Variants in PCDH9 observed in about 807,000 individuals in gnomAD.
PCDH9 encodes protocadherin-9.
In PCDH9, 24 loss-of-function variants were observed where a neutral mutation model predicts 70.6. The ratio of observed to expected loss-of-function variants is 0.34; its 90% CI spans 0.25 to 0.48. The LOEUF (loss-of-function observed/expected upper bound fraction) is 0.48. Among genes scored for constraint, PCDH9 ranks in the 20% least tolerant of loss-of-function variants. The pLI is 0.99. For synonymous variants in PCDH9, 562 were observed against 558.5 expected (o/e 1.01, Z -0.09); for missense variants, 1,281 against 1,503.6 (o/e 0.85, Z 2.45).
At chr13:66,355,176 GT>G (rs905587966) in intron 4 of PCDH9, among the ~76,000 whole-genome samples, 49 of 148,678 alleles carry the variant, frequency 3.3e-4, no homozygotes, top group Admixed American at 5.4e-4. Context: ...AGTAGATACT[GT>G]TTTTTTTTTA....
At chr13:66,494,686 A>G (rs1959085717) in intron 4 of PCDH9, among the ~76,000 whole-genome samples, 1 of 152,158 alleles carries the variant, frequency 6.6e-6, no homozygotes. Context: ...TCTTTATAAT[A>G]TAGATAAATT....
chr13:66,776,242 C>T (rs988321840), intron 3 of PCDH9, among the ~76,000 whole-genome samples: 3 of 150,898 alleles, frequency 2.0e-5, no homozygotes, highest in African/African-American at 4.9e-5. Flanking sequence ...CCTCTCTCAC[C>T]GCTCCTATTC....
chr13:67,074,442 A>G (rs774095772), intron 2 of PCDH9, among the ~76,000 whole-genome samples: 2 of 152,132 alleles, frequency 1.3e-5, no homozygotes, highest in Non-Finnish European at 2.9e-5. Context: ...TTGTTAAGCT[A>G]CCTGCTCTAC....
rs185856122 is a variant in PCDH9, at chr13:66,693,512, T to A, written c.3139-62101A>T. On this transcript the variant is annotated intron_variant, in intron 3 of 4. Transcript: ENST00000377865. ...TTAGTAAATGATCATAATTCATGAT[T>A]TTATGAAATACATTATTTTTAAAAA... Among the ~76,000 whole-genome samples the A allele has an allele frequency of 3.3e-3, 509 of 152,268 alleles. 6 individuals are homozygous for A. The highest frequency in any genetic ancestry group is 0.011 in the African/African-American group (466 of 41,578).
intron 4 of PCDH9, among the ~76,000 whole-genome samples, chr13:66,597,487 G>A (rs575926673): frequency 6.6e-6 from 1 of 151,776 alleles, no homozygotes; most frequent in African/African-American, 2.4e-5. Context: ...GGAAAGGATA[G>A]TCCCTTCAAC....
intron 3 of PCDH9, among the ~76,000 whole-genome samples, chr13:66,879,701 T>C (rs1314302303): frequency 6.6e-6 from 1 of 152,198 alleles, no homozygotes; most frequent in African/African-American, 2.4e-5. Context: ...AAAATGGCTC[T>C]ACTTATTTTG....
At chr13:66,380,233 G>T (rs938905311) in intron 4 of PCDH9, among the ~76,000 whole-genome samples, 1 of 152,128 alleles carries the variant, frequency 6.6e-6, no homozygotes, top group South Asian at 2.1e-4. Context: ...ATGATAATTA[G>T]CTTCCTAACA....
chr13:66,749,613 C>G (rs1377610778), intron 3 of PCDH9, among the ~76,000 whole-genome samples: 1 of 152,142 alleles, frequency 6.6e-6, no homozygotes, highest in Non-Finnish European at 1.5e-5. Context: ...CCCATTCCTA[C>G]CAGCTCGAGA....
chr13:66,881,368 A>T (rs1279070092), intron 3 of PCDH9, among the ~76,000 whole-genome samples: 1 of 152,178 alleles, frequency 6.6e-6, no homozygotes, highest in African/African-American at 2.4e-5. Flanking sequence ...TCTTACATGG[A>T]TGGCGGCAGT....
intron 2 of PCDH9, among the ~76,000 whole-genome samples, chr13:67,124,032 A>G (rs1363431970): frequency 1.3e-5 from 2 of 152,156 alleles, no homozygotes; most frequent in Non-Finnish European, 2.9e-5. Flanking sequence ...ACTGAATATG[A>G]ATCATTCGTT....
intron 2 of PCDH9, among the ~76,000 whole-genome samples, chr13:66,993,882 T>C (rs1266576155): frequency 6.6e-6 from 1 of 152,294 alleles, no homozygotes. Context: ...CGATTGATTG[T>C]CTACGGCATT....
intron 4 of PCDH9, among the ~76,000 whole-genome samples, chr13:66,424,138 C>T (rs932779307): frequency 6.6e-6 from 1 of 152,066 alleles, no homozygotes; most frequent in African/African-American, 2.4e-5. Context: ...AGGGCCTCCT[C>T]AATGAAAACT....
intron 4 of PCDH9, among the ~76,000 whole-genome samples, chr13:66,559,019 G>A (rs1305565129): frequency 6.6e-6 from 1 of 152,152 alleles, no homozygotes; most frequent in African/African-American, 2.4e-5. Flanking sequence ...GATAAGTGGG[G>A]TCAGTAGGAA....
chr13:66,843,724 A>G (rs942436399), intron 3 of PCDH9, among the ~76,000 whole-genome samples: 1 of 152,238 alleles, frequency 6.6e-6, no homozygotes, highest in Non-Finnish European at 1.5e-5. Flanking sequence ...TGCTGAGAAC[A>G]TATGAGCTGG....
intron 2 of PCDH9, among the ~76,000 whole-genome samples, chr13:67,137,617 T>A (rs2087265618): frequency 1.3e-5 from 2 of 152,186 alleles, no homozygotes; most frequent in Admixed American, 1.3e-4. Context: ...TTAGAACATT[T>A]AACCTCTCCA....
At chr13:67,097,610 A>G (rs1186452693) in intron 2 of PCDH9, among the ~76,000 whole-genome samples, 1 of 152,202 alleles carries the variant, frequency 6.6e-6, no homozygotes, top group Non-Finnish European at 1.5e-5. Context: ...ACCACTCAGT[A>G]AATTTTCTGC....
intron 2 of PCDH9, among the ~76,000 whole-genome samples, chr13:67,040,692 A>AAT (rs2085096645): frequency 6.6e-6 from 1 of 152,156 alleles, no homozygotes; most frequent in Non-Finnish European, 1.5e-5. Flanking sequence ...GGTTAAAAAA[A>AAT]ATATATATTG....
chr13:66,496,342 A>T (rs1471335363), intron 4 of PCDH9, among the ~76,000 whole-genome samples: 2 of 152,022 alleles, frequency 1.3e-5, no homozygotes, highest in African/African-American at 4.8e-5. Flanking sequence ...TTCATTTTTG[A>T]TCCCCCCAAA....
In PCDH9 at chr13:67,023,955, G is replaced by C. The variant is rs558189437; in HGVS notation, c.3037-120350C>G. Among the ~76,000 whole-genome samples the C allele has an allele frequency of 4.7e-5, 7 of 150,268 alleles. No homozygotes were observed. The South Asian group carries it at 1.5e-3, about 32-fold the overall frequency. On this transcript the variant is annotated intron_variant, in intron 2 of 4. Transcript: ENST00000377865. The stretch of plus-strand genomic sequence containing the variant: ...TTCCATATTATAAGGTGTTCATTCA[G>C]AGGAGAAAAAAGATGGAAGAAAAAA...
Sources: gnomAD v4.1 joint callset for allele counts (sites outside exome capture counted in the v4.1 genomes callset) on GRCh38, gnomAD v4.1.1 for gene constraint, MANE v1.5 for transcripts, NCBI Gene and HGNC (gene_info 2026-07-23, HGNC 2026-07-21) for gene names.